The following VPS13D variants were observed in gnomAD, a reference collection of about 807,000 sequenced individuals.
VPS13D encodes intermembrane lipid transfer protein VPS13D.
In VPS13D, 187 loss-of-function variants were observed where a neutral mutation model predicts 461.9. That is an observed-to-expected ratio of 0.40 (90% CI 0.36 to 0.46). The LOEUF is 0.46. VPS13D is among the 20% of genes least tolerant of loss of function. The pLI is 0.60. For synonymous variants in VPS13D, 1,951 were observed against 1,986.3 expected (o/e 0.98, Z 0.47); for missense variants, 4,711 against 5,364.9 (o/e 0.88, Z 3.81).
chr1:12,386,454 A>G, intron 60 of VPS13D, 120 bp downstream of exon 60: 1 of 1,192,142 alleles, frequency 8.4e-7, no homozygotes, highest in Non-Finnish European at 1.1e-6. Context: ...GTGGCCTTCA[A>G]AAAATCATTC....
intron 1 of VPS13D, among the ~76,000 whole-genome samples, chr1:12,233,952 G>A (rs1640067046): frequency 6.6e-6 from 1 of 152,174 alleles, no homozygotes; most frequent in East Asian, 1.9e-4. Flanking sequence ...GGAGGCTGAG[G>A]CAGGAGAATC....
chr1:12,348,707 C>A, intron 44 of VPS13D, 116 bp from the exon 45 acceptor site: 2 of 1,278,556 alleles, frequency 1.6e-6, no homozygotes, highest in Non-Finnish European at 2.1e-6. Flanking sequence ...ACTGATTTCA[C>A]TGAAGAACTA....
At position 12,283,735 on chromosome 1, in the gene VPS13D, A is replaced by C; in HGVS notation, c.5633A>C (p.Lys1878Thr). The part of the protein sequence containing the change: ...QDPVNTKLDL[K>T]VHSLSLVLNK... ...CCAGTGAACACCAAACTGGATCTCA[A>C]GGTATCCTCAGTTCCCTTTGGCTCC... Residue 1878 changes from lysine (K) to threonine (T), a missense_variant and splice_region_variant, in exon 21 of 70, where the codon AAG becomes ACG. Coordinates refer to ENST00000620676, the MANE Select transcript of VPS13D (RefSeq NM_015378.4). The C allele has an allele frequency of 6.2e-7, 1 of 1,610,278 alleles. No homozygotes were observed. The highest frequency in any genetic ancestry group is 8.5e-7 in the Non-Finnish European group (1 of 1,177,456).
At chr1:12,351,079 A>T (rs994398799) in intron 46 of VPS13D, among the ~76,000 whole-genome samples, 4 of 152,236 alleles carry the variant, frequency 2.6e-5, no homozygotes, top group Non-Finnish European at 4.4e-5. Context: ...CTATAGGCCC[A>T]TATAACATTA....
At chr1:12,498,216 A>G (rs1419321614) in intron 68 of VPS13D, among the ~76,000 whole-genome samples, 1 of 152,240 alleles carries the variant, frequency 6.6e-6, no homozygotes, top group Non-Finnish European at 1.5e-5. Flanking sequence ...AAAGTGCTCT[A>G]TAACCTGAAT....
intron 5 of VPS13D, among the ~76,000 whole-genome samples, chr1:12,245,895 G>A (rs1313802863): frequency 6.6e-6 from 1 of 152,176 alleles, no homozygotes; most frequent in African/African-American, 2.4e-5. Context: ...TTGACATAAT[G>A]TTTTCAAGGG....
intron 65 of VPS13D, among the ~76,000 whole-genome samples, chr1:12,418,168 A>G (rs1644819436): frequency 6.6e-6 from 1 of 152,210 alleles, no homozygotes; most frequent in Non-Finnish European, 1.5e-5. Context: ...TCGGCCTTCC[A>G]AAGTGCTGGG....
Position 12,308,475 on chromosome 1 carries a change from G to A in VPS13D, c.6484G>A (p.Asp2162Asn). 1.2e-6 allele frequency: 2 copies of A among 1,614,092 alleles called. No individual in the cohort carries two copies. Among genetic ancestry groups the A allele is most frequent in the Non-Finnish European group, 1.7e-6 (2 of 1,180,036 alleles). The change falls in exon 27 of 70, where the codon GAC (aspartate) becomes AAC (asparagine). Residue 2162 changes from aspartate to asparagine, a missense_variant. Asp to Asn is a conservative substitution (Grantham distance 23). Coordinates refer to ENST00000620676, the MANE Select transcript of VPS13D (RefSeq NM_015378.4). Reference protein sequence around the residue: ...LLDCVVVDLQDMDIFAAERHP... With the variant: ...LLDCVVVDLQNMDIFAAERHP... ...GGATTGCGTTGTCGTGGATCTCCAG[G>A]ACATGGACATCTTTGCTGCAGAGAG... is the stretch of plus-strand genomic sequence containing the variant.
At chr1:12,364,294 G>A (rs1048662317) in intron 52 of VPS13D, among the ~76,000 whole-genome samples, 6 of 152,144 alleles carry the variant, frequency 3.9e-5, no homozygotes, top group Non-Finnish European at 7.4e-5. Flanking sequence ...GGTACCTCAT[G>A]TGAGTTTAAT....
chr1:12,457,894 A>G (rs1217802862), intron 66 of VPS13D, among the ~76,000 whole-genome samples: 1 of 152,228 alleles, frequency 6.6e-6, no homozygotes, highest in Non-Finnish European at 1.5e-5. Context: ...GTTAAGGTTT[A>G]ATCATTCTTT....
intron 67 of VPS13D, 98 bp from the exon 68 acceptor site, chr1:12,497,402 T>C: frequency 7.2e-7 from 1 of 1,395,706 alleles, no homozygotes. Flanking sequence ...ATGTAAAGTA[T>C]GTCTCGTATT....
At chr1:12,449,619 A>T (rs1479754551) in intron 65 of VPS13D, among the ~76,000 whole-genome samples, 1 of 152,214 alleles carries the variant, frequency 6.6e-6, no homozygotes, top group African/African-American at 2.4e-5. Context: ...ATATTTTGAC[A>T]GTATGAAACG....
At chr1:12,284,440 T>C (rs1464849852) in intron 21 of VPS13D, among the ~76,000 whole-genome samples, 1 of 152,230 alleles carries the variant, frequency 6.6e-6, no homozygotes, top group African/African-American at 2.4e-5. Context: ...ACTTATAACT[T>C]GTCCTTGATA....
intron 25 of VPS13D, among the ~76,000 whole-genome samples, chr1:12,300,973 A>G (rs1470980001): frequency 6.6e-6 from 1 of 152,222 alleles, no homozygotes. Flanking sequence ...ATTCCCAGCT[A>G]CTTATGCCTA....
Position 12,275,974 on chromosome 1 carries a change from GGAGTT to G in VPS13D, c.2392_2396del (p.Glu798GlnfsTer2), listed in dbSNP as rs1171434630. On this transcript the variant is annotated frameshift_variant, in exon 19 of 70. Coordinates refer to ENST00000620676, the MANE Select transcript of VPS13D (RefSeq NM_015378.4). LOFTEE classifies it high-confidence loss of function. ...CGGAGAGAAAACACCTCCCTTTTCT[GGAGTT>G]GAGTTCAGTGAAGAACAGCTTCAAG... The G allele has an allele frequency of 6.2e-7, 1 of 1,613,926 alleles. No individual in the cohort carries two copies. Among genetic ancestry groups the G allele is most frequent in the African/African-American group, 1.3e-5 (1 of 74,966 alleles).
At chr1:12,308,716 C>G in intron 27 of VPS13D, 75 bp downstream of exon 27, 1 of 1,388,104 alleles carries the variant, frequency 7.2e-7, no homozygotes, top group Non-Finnish European at 1.0e-6. Context: ...GTGGCGCAAT[C>G]TTGGCTCACT....
intron 18 of VPS13D, among the ~76,000 whole-genome samples, 195 bp downstream of exon 18, chr1:12,273,330 T>C (rs72865001): frequency 0.014 from 2,147 of 152,334 alleles, 39 homozygotes; most frequent in African/African-American, 0.048. Flanking sequence ...CTGTCTATGA[T>C]TATCTAAGTA....
At chr1:12,443,930 C>T (rs1312613964) in intron 65 of VPS13D, among the ~76,000 whole-genome samples, 1 of 151,774 alleles carries the variant, frequency 6.6e-6, no homozygotes, top group Non-Finnish European at 1.5e-5. Context: ...ACTGCAACCT[C>T]CACCTCCTGG....
At chr1:12,402,315 G>A (rs1011979653) in intron 62 of VPS13D, among the ~76,000 whole-genome samples, 9 of 152,230 alleles carry the variant, frequency 5.9e-5, no homozygotes, top group Middle Eastern at 3.4e-3. Flanking sequence ...GCTTCTTTTC[G>A]ATTCCTCATC....
Sources: gnomAD v4.1 joint callset for allele counts (sites outside exome capture counted in the v4.1 genomes callset) on GRCh38, gnomAD v4.1.1 for gene constraint, MANE v1.5 for transcripts, NCBI Gene and HGNC (gene_info 2026-07-23, HGNC 2026-07-21) for gene names.